Variants in MAP2K4 observed in about 807,000 individuals in gnomAD.
MAP2K4 encodes mitogen-activated protein kinase kinase 4.
In MAP2K4, 4 loss-of-function variants were observed where a neutral mutation model predicts 48.5. The ratio of observed to expected loss-of-function variants is 0.08; its 90% CI spans 0.04 to 0.19. MAP2K4 has a LOEUF of 0.19. MAP2K4 is among the 10% of genes least tolerant of loss of function. The probability of loss-of-function intolerance (pLI) is 1.00; values close to 1 mark genes in which losing one functional copy is unlikely to be tolerated. For synonymous variants in MAP2K4, 166 were observed against 173.1 expected (o/e 0.96, Z 0.32); for missense variants, 258 against 493.3 (o/e 0.52, Z 4.52).
chr17:12,030,230 G>A (rs1312167786), intron 1 of MAP2K4, among the ~76,000 whole-genome samples: 1 of 152,102 alleles, frequency 6.6e-6, no homozygotes, highest in Non-Finnish European at 1.5e-5. Flanking sequence ...ATTTAATAAT[G>A]TTAAGAAAGT....
At chr17:12,033,337 C>CA (rs141480079) in intron 1 of MAP2K4, among the ~76,000 whole-genome samples, 33,968 of 151,216 alleles carry the variant, frequency 0.22, 4,003 homozygotes, top group Middle Eastern at 0.26. Context: ...GATTCAAAGG[C>CA]AAAAAAAATT....
chr17:12,126,157 G>A lies in MAP2K4; in HGVS notation c.891+786G>A, dbSNP rs373828897. ...CTTCAACACATAGGGATTATAATTCGAAATGAAATTTGGGTGGGGACACAG... is the reference window on the plus strand; with the variant it reads ...CTTCAACACATAGGGATTATAATTCAAAATGAAATTTGGGTGGGGACACAG... On this transcript the variant is annotated intron_variant, in intron 8 of 10. Transcript: ENST00000353533. Among the ~76,000 whole-genome samples the A allele has an allele frequency of 3.9e-5, 6 of 152,238 alleles. No individual in the cohort carries two copies. The East Asian group carries it at 1.2e-3, about 29-fold the overall frequency.
chr17:12,076,287 G>C (rs1427219275), intron 2 of MAP2K4, among the ~76,000 whole-genome samples: 5 of 139,994 alleles, frequency 3.6e-5, no homozygotes, highest in African/African-American at 1.4e-4. Flanking sequence ...TTCTGTGTGT[G>C]TGTGTGTGTG....
In MAP2K4 at chr17:12,100,018, TCTC is replaced by T. The variant is rs1055493633; in HGVS notation, c.513+4327_513+4329del. ...TTTTTATCCTTACTTCCACCCCTCT[TCTC>T]CTTTCCCTCTTCTTTCTCCTTGCAA... On this transcript the variant is annotated intron_variant, in intron 4 of 10. Transcript: ENST00000353533. Among the ~76,000 whole-genome samples, 5 of 152,210 alleles carry T rather than the reference TCTC, an allele frequency of 3.3e-5. No individual in the cohort carries two copies. In the East Asian group the frequency reaches 9.7e-4, roughly 29 times the overall value.
chr17:12,119,382 A>G (rs895696007), intron 7 of MAP2K4, among the ~76,000 whole-genome samples: 1 of 152,250 alleles, frequency 6.6e-6, no homozygotes, highest in Non-Finnish European at 1.5e-5. Context: ...TCCAACAAGC[A>G]TATGAAAAAC....
chr17:12,035,303 A>AG (rs1043360769), intron 1 of MAP2K4, among the ~76,000 whole-genome samples: 37 of 152,232 alleles, frequency 2.4e-4, no homozygotes, highest in Non-Finnish European at 5.0e-4. Flanking sequence ...AGATCACCTG[A>AG]GGTTGGGAGT....
intron 9 of MAP2K4, among the ~76,000 whole-genome samples, chr17:12,134,335 G>GA (rs377144799): frequency 1.3e-3 from 200 of 150,336 alleles, no homozygotes; most frequent in African/African-American, 4.5e-3. Context: ...AAATGTCACA[G>GA]AAAAAAAAAC....
At chr17:12,059,720 C>T (rs1970391672) in intron 2 of MAP2K4, among the ~76,000 whole-genome samples, 1 of 152,180 alleles carries the variant, frequency 6.6e-6, no homozygotes. Flanking sequence ...TGCTATAGAA[C>T]ATCTAGGAGT....
intron 9 of MAP2K4, among the ~76,000 whole-genome samples, chr17:12,133,251 T>A (rs943952171): frequency 6.6e-6 from 1 of 152,142 alleles, no homozygotes; most frequent in African/African-American, 2.4e-5. Flanking sequence ...CTGGCTAATT[T>A]ATGTATGTTT....
At chr17:12,115,554 A>T (rs1255546569) in intron 7 of MAP2K4, 3 of 683,232 alleles carry the variant, frequency 4.4e-6, no homozygotes, top group Non-Finnish European at 8.2e-6. Context: ...AAGATGGAAG[A>T]CTACCAGGCT....
intron 3 of MAP2K4, among the ~76,000 whole-genome samples, chr17:12,090,794 C>T (rs188850219): frequency 6.6e-6 from 1 of 152,322 alleles, no homozygotes; most frequent in East Asian, 1.9e-4. Flanking sequence ...ACAGTATATA[C>T]TGCCTGTTTC....
intron 7 of MAP2K4, among the ~76,000 whole-genome samples, chr17:12,119,335 C>T (rs1438522500): frequency 4.6e-5 from 7 of 152,094 alleles, no homozygotes; most frequent in Admixed American, 2.0e-4. Context: ...TGGGTAAGGA[C>T]GTGAACAGAC....
intron 1 of MAP2K4, among the ~76,000 whole-genome samples, chr17:12,048,094 A>G (rs1056142216): frequency 6.6e-6 from 1 of 151,874 alleles, no homozygotes; most frequent in Non-Finnish European, 1.5e-5. Flanking sequence ...TTTTGAACTC[A>G]TGGGCGCAAA....
chr17:12,096,510 G>A (rs1971764403), intron 4 of MAP2K4, among the ~76,000 whole-genome samples: 2 of 152,078 alleles, frequency 1.3e-5, no homozygotes, highest in Admixed American at 6.6e-5. Context: ...AGTTGAGTAG[G>A]ACTTGAACTG....
At chr17:12,120,329 A>G (rs1313796219) in intron 7 of MAP2K4, among the ~76,000 whole-genome samples, 2 of 152,054 alleles carry the variant, frequency 1.3e-5, no homozygotes, top group East Asian at 3.9e-4. Context: ...GCACAGTGGC[A>G]CATGCCTGTA....
chr17:12,070,059 G>T (rs2151538771), intron 2 of MAP2K4, among the ~76,000 whole-genome samples: 1 of 149,636 alleles, frequency 6.7e-6, no homozygotes, highest in Middle Eastern at 3.4e-3. Context: ...TGGGAAAGAA[G>T]GTATATTTGA....
At position 12,021,285 on chromosome 17, in the gene MAP2K4, C is replaced by G. The variant is rs555690514; in HGVS notation, c.115+284C>G. The G allele has an allele frequency of 5.6e-3, 1,237 of 221,408 alleles. 21 individuals carry two copies. The highest frequency in any genetic ancestry group is 0.027 in the African/African-American group (1,161 of 43,496). The allele number at this position is 221,408 out of a possible 1,614,324, so 13.7% of individuals were successfully genotyped here. On this transcript the variant is annotated intron_variant, in intron 1 of 10. Transcript: ENST00000353533. Reference sequence around the variant, plus strand: ...CCCGCAGGGCCCACCTGGTCCGGGACCGCCCCCGCGGCCGTCCCCATCGCC... The same window carrying G: ...CCCGCAGGGCCCACCTGGTCCGGGAGCGCCCCCGCGGCCGTCCCCATCGCC...
At chr17:12,074,555 T>C (rs989144536) in intron 2 of MAP2K4, among the ~76,000 whole-genome samples, 2 of 152,210 alleles carry the variant, frequency 1.3e-5, no homozygotes, top group African/African-American at 4.8e-5. Context: ...AGCTGCCTTG[T>C]ATGAGCCTGG....
At chr17:12,029,648 G>T (rs1291312757) in intron 1 of MAP2K4, among the ~76,000 whole-genome samples, 1 of 152,086 alleles carries the variant, frequency 6.6e-6, no homozygotes, top group East Asian at 1.9e-4. Flanking sequence ...TTCAAAAATT[G>T]AACATATTGG....
Sources: gnomAD v4.1 joint callset for allele counts (sites outside exome capture counted in the v4.1 genomes callset) on GRCh38, gnomAD v4.1.1 for gene constraint, MANE v1.5 for transcripts, NCBI Gene and HGNC (gene_info 2026-07-23, HGNC 2026-07-21) for gene names.